Variants in CDK14 observed in about 807,000 individuals in gnomAD.
The protein encoded by CDK14 is cyclin dependent kinase 14.
In CDK14, 34 loss-of-function variants were observed where a neutral mutation model predicts 60.7. The observed-to-expected ratio is 0.56, with a 90% CI of 0.43 to 0.75. The LOEUF is 0.75. Ranked by LOEUF, CDK14 falls within the 30% of genes least tolerant of loss-of-function variation. The pLI is 0.00. For synonymous variants in CDK14, 197 were observed against 203.7 expected, an observed-to-expected ratio of 0.97 and a Z score of 0.28; for missense variants, 482 against 564.1, an observed-to-expected ratio of 0.85 and a Z score of 1.47.
chr7:90,807,828 C>A (rs1205431973), intron 5 of CDK14, among the ~76,000 whole-genome samples: 2 of 152,102 alleles, frequency 1.3e-5, no homozygotes, highest in Non-Finnish European at 2.9e-5. Context: ...GTACAAGCCT[C>A]AGTAGCCAAT....
At chr7:90,688,799 A>G (rs1346812514) in intron 2 of CDK14, among the ~76,000 whole-genome samples, 1 of 152,152 alleles carries the variant, frequency 6.6e-6, no homozygotes, top group Non-Finnish European at 1.5e-5. Context: ...GACAGTTTGG[A>G]ACAGCGTTCA....
intron 5 of CDK14, among the ~76,000 whole-genome samples, chr7:90,844,816 C>T (rs545632051): frequency 1.3e-5 from 2 of 152,218 alleles, no homozygotes; most frequent in East Asian, 3.9e-4. Flanking sequence ...AACAAATATA[C>T]AAACAAGAAT....
intron 2 of CDK14, among the ~76,000 whole-genome samples, chr7:90,685,615 A>G (rs1228625382): frequency 6.7e-6 from 1 of 150,092 alleles, no homozygotes; most frequent in Admixed American, 6.6e-5. Flanking sequence ...ACTAGATAGG[A>G]CTACAAGTGC....
chr7:90,778,879 C>CCTT (rs1805171871), intron 4 of CDK14, among the ~76,000 whole-genome samples: 1 of 111,782 alleles, frequency 8.9e-6, no homozygotes, highest in Non-Finnish European at 1.8e-5. Flanking sequence ...TTCCTTCCTT[C>CCTT]CTTCCTTCCT....
chr7:90,607,235 C>T (rs1175970873), intron 2 of CDK14, among the ~76,000 whole-genome samples: 1 of 152,160 alleles, frequency 6.6e-6, no homozygotes. Context: ...TTGTTTTTTA[C>T]CTTCTCTCTC....
intron 4 of CDK14, among the ~76,000 whole-genome samples, chr7:90,768,828 A>T (rs1428997421): frequency 3.9e-5 from 6 of 152,198 alleles, no homozygotes; most frequent in African/African-American, 1.4e-4. Flanking sequence ...AAATTTGTGT[A>T]TTTGAAAACA....
In CDK14 at chr7:91,030,819, T is replaced by C. The variant is rs3808296; in HGVS notation, c.1042-15078T>C. Among the ~76,000 whole-genome samples the C allele has an allele frequency of 2.0e-4, 30 of 152,288 alleles. No individual in the cohort carries two copies. In the East Asian group the frequency reaches 5.6e-3, roughly 28 times the overall value. On this transcript the variant is annotated intron_variant, in intron 10 of 14. Transcript: ENST00000380050. Reference sequence around the variant, plus strand: ...CCTTTCAGTTCTTGGCCTCAGAGTCTCCCTCCCAGTATCTCCCTGGGCCTA... The same window carrying C: ...CCTTTCAGTTCTTGGCCTCAGAGTCCCCCTCCCAGTATCTCCCTGGGCCTA...
intron 14 of CDK14, among the ~76,000 whole-genome samples, chr7:91,182,594 G>T (rs375873054): frequency 1.3e-5 from 2 of 152,028 alleles, no homozygotes; most frequent in East Asian, 3.9e-4. Flanking sequence ...GAGGGACAGG[G>T]ATAGAAGGTA....
rs566704247 is a variant in CDK14 at position 90,666,594 on chromosome 7, A to T, written c.124-59973A>T. Among the ~76,000 whole-genome samples the T allele has an allele frequency of 3.3e-5, 5 of 152,250 alleles. No homozygotes were observed. The East Asian group carries it at 9.6e-4, about 29-fold the overall frequency. On this transcript the variant is annotated intron_variant, in intron 2 of 14. Coordinates refer to ENST00000380050, the MANE Select transcript of CDK14 (RefSeq NM_001287135.2). ...GACCGTGTAACACTTTGGTTTGAAG[A>T]TATCTGTCAATATCTTGAGAAATGT...
chr7:90,674,678 T>G (rs1198341747), intron 2 of CDK14, among the ~76,000 whole-genome samples: 4 of 152,314 alleles, frequency 2.6e-5, no homozygotes, highest in South Asian at 4.1e-4. Context: ...ATGGTTGATG[T>G]AAGCATCTTT....
intron 7 of CDK14, among the ~76,000 whole-genome samples, chr7:90,909,582 A>G (rs760580984): frequency 2.0e-5 from 3 of 152,082 alleles, no homozygotes; most frequent in Non-Finnish European, 2.9e-5. Flanking sequence ...TCCTAGCTCT[A>G]GATCCCATGG....
chr7:90,618,225 AT>A (rs941820414), intron 2 of CDK14, among the ~76,000 whole-genome samples: 1 of 152,208 alleles, frequency 6.6e-6, no homozygotes, highest in Non-Finnish European at 1.5e-5. Context: ...TCTTAGAAAG[AT>A]GAAGACTTTA....
chr7:90,781,284 T>G (rs1805308604), intron 4 of CDK14, among the ~76,000 whole-genome samples: 1 of 152,316 alleles, frequency 6.6e-6, no homozygotes, highest in South Asian at 2.1e-4. Flanking sequence ...TCTTATAAAT[T>G]TGTTTGAGTT....
At chr7:90,882,853 A>G (rs556684154) in intron 6 of CDK14, among the ~76,000 whole-genome samples, 51 of 152,232 alleles carry the variant, frequency 3.4e-4, no homozygotes, top group Non-Finnish European at 5.3e-4. Flanking sequence ...CTGGGTAAAT[A>G]ATGAAGTTAA....
chr7:91,165,088 C>T (rs950279973), intron 14 of CDK14, among the ~76,000 whole-genome samples: 4 of 152,194 alleles, frequency 2.6e-5, no homozygotes, highest in African/African-American at 9.6e-5. Context: ...GTTCCCTATG[C>T]GGCCTGGTTC....
chr7:91,175,934 G>C (rs1170068992), intron 14 of CDK14, among the ~76,000 whole-genome samples: 1 of 150,726 alleles, frequency 6.6e-6, no homozygotes, highest in Non-Finnish European at 1.5e-5. Context: ...CCCAGGAATT[G>C]AACTCAGCTC....
chr7:90,933,024 T>G (rs1793641227), intron 8 of CDK14, among the ~76,000 whole-genome samples: 1 of 152,156 alleles, frequency 6.6e-6, no homozygotes, highest in African/African-American at 2.4e-5. Flanking sequence ...GTGATTAAAC[T>G]ATGTGATATG....
chr7:90,918,015 A>G (rs1215186560), intron 8 of CDK14, among the ~76,000 whole-genome samples: 1 of 152,192 alleles, frequency 6.6e-6, no homozygotes, highest in Non-Finnish European at 1.5e-5. Flanking sequence ...AACATAAAAT[A>G]TATGCTCCTT....
In CDK14 at chr7:90,701,778, C is replaced by T. The variant is rs143605464; in HGVS notation, c.124-24789C>T. On this transcript the variant is annotated intron_variant, in intron 2 of 14. Transcript: ENST00000380050. ...GATAGAAACAAGAGCTGAACAACTG[C>T]GCTTTAGAAAGTCAGGCATCCAGCA... 4.6e-5 allele frequency among the ~76,000 whole-genome samples: 7 copies of T among 152,248 alleles called. No homozygotes were observed. The East Asian group carries it at 5.8e-4, about 13-fold the overall frequency.
Sources: gnomAD v4.1 joint callset for allele counts (sites outside exome capture counted in the v4.1 genomes callset) on GRCh38, gnomAD v4.1.1 for gene constraint, MANE v1.5 for transcripts, NCBI Gene and HGNC (gene_info 2026-07-23, HGNC 2026-07-21) for gene names.